TRIM69: variants seen among roughly 807,000 people sequenced by gnomAD.
The protein encoded by TRIM69 is E3 ubiquitin-protein ligase TRIM69.
In TRIM69, 29 loss-of-function variants were observed where a neutral mutation model predicts 37.7. The observed-to-expected ratio is 0.77, with a 90% CI of 0.57 to 1.05. TRIM69 has a LOEUF of 1.05. Among genes scored for constraint, TRIM69 ranks in the 50% least tolerant of loss-of-function variants. The pLI, the probability that TRIM69 is intolerant of heterozygous loss-of-function variation, is 0.00. For synonymous variants in TRIM69, 209 were observed against 212.4 expected (o/e 0.98, Z 0.14); for missense variants, 596 against 579.9 (o/e 1.03, Z -0.28).
At chr15:44,749,549 G>A (rs1297474462) in intron 1 of TRIM69, among the ~76,000 whole-genome samples, 1 of 152,156 alleles carries the variant, frequency 6.6e-6, no homozygotes, top group Non-Finnish European at 1.5e-5. Flanking sequence ...CCATGTTGTA[G>A]CATGTATGAA....
intron 4 of TRIM69, 106 bp from the exon 5 acceptor site, chr15:44,759,534 G>A: frequency 9.2e-7 from 1 of 1,082,244 alleles, no homozygotes. Flanking sequence ...TGGTAGAGAT[G>A]AGTTCGGGAC....
chr15:44,767,365 G>C lies in TRIM69; in HGVS notation c.1096G>C (p.Ala366Pro). 1 of 1,614,108 alleles carries C rather than the reference G, an allele frequency of 6.2e-7. No individual in the cohort carries two copies. The highest frequency in any genetic ancestry group is 1.6e-4 in the Middle Eastern group (1 of 6,062). The change falls in exon 7 of 7, where the codon GCT (alanine) becomes CCT (proline). Residue 366 changes from alanine (A) to proline (P), a missense_variant. Coordinates refer to ENST00000329464, the MANE Select transcript of TRIM69 (RefSeq NM_182985.5). ...DDPERFDSSV[A>P]VLGSRGFTSG... ...TCCTGAGAGGTTTGACTCAAGTGTG[G>C]CTGTACTGGGCTCAAGAGGCTTCAC...
intron 6 of TRIM69, among the ~76,000 whole-genome samples, chr15:44,760,133 G>A (rs1462000725): frequency 6.6e-6 from 1 of 152,190 alleles, no homozygotes; most frequent in Non-Finnish European, 1.5e-5. Context: ...TATGAAATGT[G>A]GCAACAGCCA....
chr15:44,740,515 C>T (rs1407540576), intron 1 of TRIM69, among the ~76,000 whole-genome samples: 2 of 152,092 alleles, frequency 1.3e-5, no homozygotes, highest in Non-Finnish European at 2.9e-5. Flanking sequence ...ACTAGAATAA[C>T]CAATACAGAG....
At chr15:44,754,620 T>A (rs1045858706) in intron 1 of TRIM69, 1 of 367,072 alleles carries the variant, frequency 2.7e-6, no homozygotes, top group East Asian at 4.3e-5. Context: ...CAAAAGACAC[T>A]TGGGGAAAGT....
chr15:44,745,059 GA>G (rs2087374382), intron 1 of TRIM69, among the ~76,000 whole-genome samples: 1 of 106,778 alleles, frequency 9.4e-6, no homozygotes, highest in Non-Finnish European at 2.0e-5. Flanking sequence ...GCCCAGGACT[GA>G]GTGCATACTA....
intron 1 of TRIM69, among the ~76,000 whole-genome samples, chr15:44,751,908 ATTT>A (rs904721509): frequency 7.0e-6 from 1 of 143,732 alleles, no homozygotes; most frequent in Non-Finnish European, 1.5e-5. Flanking sequence ...ATTATGGCCA[ATTT>A]TTTTTTTTTC....
At position 44,736,650 on chromosome 15, in the gene TRIM69, C is replaced by A; in HGVS notation, c.-55C>A. 6.2e-7 allele frequency: 1 copy of A among 1,607,378 alleles called. No homozygotes were observed. Among genetic ancestry groups the A allele is most frequent in the Non-Finnish European group, 8.5e-7 (1 of 1,177,150 alleles). ...ACTCCCAGTCTGCAGCCATCCTGGG[C>A]CTGCTGAGCTCTGATTCAAGTGCCT... On this transcript the variant is annotated 5_prime_UTR_variant, in exon 1 of 7. Transcript: ENST00000329464.
intron 1 of TRIM69, among the ~76,000 whole-genome samples, chr15:44,751,908 AT>A (rs904721509): frequency 9.7e-4 from 140 of 143,654 alleles, no homozygotes; most frequent in Middle Eastern, 7.2e-3. Context: ...ATTATGGCCA[AT>A]TTTTTTTTTT....
rs966254905 is a variant in TRIM69 at position 44,767,088 on chromosome 15, T to G, written c.962-143T>G. The G allele has an allele frequency of 2.2e-4, 20 of 90,430 alleles. No homozygotes were observed. The Middle Eastern group carries it at 9.5e-3, about 43-fold the overall frequency. The allele number at this position is 90,430 out of a possible 1,614,324, so 5.6% of individuals were successfully genotyped here. ...AAAAAAAAAAAAAAAAAAAAAAGCA[T>G]ATAAGTAATTGCTTGCCTGTCTAAG... On this transcript the variant is annotated intron_variant, in intron 6 of 6. Transcript: ENST00000329464.
At chr15:44,761,218 G>A (rs764597324) in intron 6 of TRIM69, among the ~76,000 whole-genome samples, 42 of 152,068 alleles carry the variant, frequency 2.8e-4, no homozygotes, top group Non-Finnish European at 4.0e-4. Context: ...GCGCCAGGCC[G>A]CATAATGCTT....
At chr15:44,756,525 G>A (rs2087652352) in intron 3 of TRIM69, 62 bp downstream of exon 3, 1 of 1,151,276 alleles carries the variant, frequency 8.7e-7, no homozygotes, top group Non-Finnish European at 1.3e-6. Context: ...TGTAACTTCA[G>A]CTATGGGTAC....
At chr15:44,764,272 A>T (rs1686658194) in intron 6 of TRIM69, among the ~76,000 whole-genome samples, 1 of 152,200 alleles carries the variant, frequency 6.6e-6, no homozygotes, top group African/African-American at 2.4e-5. Context: ...CATCAAGAAA[A>T]CCAAATGAGA....
chr15:44,743,343 C>A (rs1277354258), intron 1 of TRIM69, among the ~76,000 whole-genome samples: 3 of 152,306 alleles, frequency 2.0e-5, no homozygotes, highest in African/African-American at 7.2e-5. Flanking sequence ...AAACATTAGA[C>A]CTAAAACCAT....
At chr15:44,754,697 G>T in intron 1 of TRIM69, 1 of 559,348 alleles carries the variant, frequency 1.8e-6, no homozygotes, top group Non-Finnish European at 3.2e-6. Flanking sequence ...CCTCTGCCTT[G>T]ATTCTTTATT....
At chr15:44,739,936 G>T (rs2087244716) in intron 1 of TRIM69, among the ~76,000 whole-genome samples, 2 of 150,532 alleles carry the variant, frequency 1.3e-5, no homozygotes, top group Admixed American at 1.3e-4. Context: ...CCTCAAGTGG[G>T]TCCCTGACCC....
chr15:44,762,354 A>G (rs150392191), intron 6 of TRIM69, among the ~76,000 whole-genome samples: 3 of 152,170 alleles, frequency 2.0e-5, no homozygotes, highest in Admixed American at 6.5e-5. Context: ...CTTTGTATTT[A>G]TTCTGCTTGT....
intron 1 of TRIM69, among the ~76,000 whole-genome samples, chr15:44,745,229 T>C (rs909153559): frequency 1.4e-5 from 2 of 146,514 alleles, no homozygotes; most frequent in Non-Finnish European, 2.9e-5. Context: ...GGGAGGTTTT[T>C]GTTGTTGTTG....
intron 2 of TRIM69, among the ~76,000 whole-genome samples, chr15:44,755,645 T>C (rs1237065748): frequency 6.6e-6 from 1 of 152,212 alleles, no homozygotes; most frequent in Non-Finnish European, 1.5e-5. Context: ...CTGTGTAGAA[T>C]ATGGATAGAT....
Sources: gnomAD v4.1 joint callset for allele counts (sites outside exome capture counted in the v4.1 genomes callset) on GRCh38, gnomAD v4.1.1 for gene constraint, MANE v1.5 for transcripts, NCBI Gene and HGNC (gene_info 2026-07-23, HGNC 2026-07-21) for gene names.